MTMR12: variants seen among roughly 807,000 people sequenced by gnomAD.
The protein encoded by MTMR12 is myotubularin related protein 12, also known as myotubularin-related protein 12.
A neutral mutation model predicts 96.7 loss-of-function variants in MTMR12; 33 were observed. That is an observed-to-expected ratio of 0.34 (90% CI 0.26 to 0.46). MTMR12 has a LOEUF of 0.46. MTMR12 is among the 20% of genes least tolerant of loss of function. The probability of loss-of-function intolerance (pLI) is 1.00; values close to 1 mark genes in which losing one functional copy is unlikely to be tolerated. For missense variants in MTMR12, 721 were observed against 896.1 expected (o/e 0.80, Z 2.49); for synonymous variants, 298 against 327.2 (o/e 0.91, Z 0.96).
intron 6 of MTMR12, among the ~76,000 whole-genome samples, chr5:32,263,764 G>A (rs1358165693): frequency 6.6e-6 from 1 of 152,028 alleles, no homozygotes; most frequent in East Asian, 1.9e-4. Context: ...TGTAGGAACT[G>A]AGTTCCATTC....
rs199884253 is a variant in MTMR12 at position 32,276,495 on chromosome 5, ATGT to A, written c.142+184_142+186del. On this transcript the variant is annotated intron_variant, in intron 2 of 15. Transcript: ENST00000382142. ...AGGAAACAAGAAAAATTCTTTGCAG[ATGT>A]TGTAATACTCAGACCCAGGTGTGTA... 2.5e-4 allele frequency among the ~76,000 whole-genome samples: 38 copies of A among 152,334 alleles called. 1 individual carries two copies. In the East Asian group the frequency reaches 7.1e-3, roughly 29 times the overall value.
At chr5:32,303,242 T>C (rs1215350163) in intron 1 of MTMR12, among the ~76,000 whole-genome samples, 2 of 152,216 alleles carry the variant, frequency 1.3e-5, no homozygotes, top group Non-Finnish European at 2.9e-5. Flanking sequence ...ATTATTCCCA[T>C]TTTCGAGGTA....
intron 5 of MTMR12, among the ~76,000 whole-genome samples, chr5:32,269,325 C>G (rs1749738606): frequency 6.6e-6 from 1 of 151,680 alleles, no homozygotes; most frequent in African/African-American, 2.4e-5. Context: ...TCCTGCCCAG[C>G]CTATTATTAT....
chr5:32,289,549 A>G (rs1375886755), intron 1 of MTMR12, among the ~76,000 whole-genome samples: 1 of 152,210 alleles, frequency 6.6e-6, no homozygotes, highest in Admixed American at 6.5e-5. Flanking sequence ...ACTAATGGAC[A>G]CTGGTTCTGA....
intron 12 of MTMR12, among the ~76,000 whole-genome samples, chr5:32,239,663 G>C (rs1748388690): frequency 6.6e-6 from 1 of 152,166 alleles, no homozygotes; most frequent in Non-Finnish European, 1.5e-5. Context: ...ACTCACCTCA[G>C]ACATCCCTTC....
chr5:32,254,564 C>A (rs1389146335), intron 8 of MTMR12, among the ~76,000 whole-genome samples: 1 of 152,148 alleles, frequency 6.6e-6, no homozygotes, highest in African/African-American at 2.4e-5. Context: ...ACATAAAGAT[C>A]TGTATCTAGG....
intron 6 of MTMR12, among the ~76,000 whole-genome samples, chr5:32,266,207 T>C (rs1214484357): frequency 7.0e-6 from 1 of 143,122 alleles, no homozygotes. Context: ...TACGTTTTTG[T>C]TTTGTTTTGT....
chr5:32,238,303 C>T (rs1348441173), intron 13 of MTMR12, among the ~76,000 whole-genome samples: 1 of 152,158 alleles, frequency 6.6e-6, no homozygotes, highest in Non-Finnish European at 1.5e-5. Flanking sequence ...CTCCCAGGCT[C>T]AAGCAATCCT....
rs1487955803 is a variant in MTMR12 at position 32,233,953 on chromosome 5, G to T, written c.1513-19C>A. ...CTCTACCCTGCCAAAACAAGCACAG[G>T]TCATGCTGTTTTCCAGGGAGGGCTG... is the stretch of plus-strand genomic sequence containing the variant. On this transcript the variant is annotated intron_variant, in intron 14 of 15. Transcript: ENST00000382142. This position sits in a 1 kb window ranked among gnomAD's most constrained non-coding sequence, Gnocchi z 5.0. The T allele has an allele frequency of 6.2e-7, 1 of 1,613,710 alleles. No individual in the cohort carries two copies. Among genetic ancestry groups the T allele is most frequent in the Middle Eastern group, 1.7e-4 (1 of 6,058 alleles).
intron 12 of MTMR12, among the ~76,000 whole-genome samples, chr5:32,240,007 CA>C (rs1561744162): frequency 6.6e-6 from 1 of 152,224 alleles, no homozygotes; most frequent in Non-Finnish European, 1.5e-5. Context: ...TCTACATCCC[CA>C]TAGTTTCCCT....
chr5:32,255,909 G>C (rs1749115932), intron 7 of MTMR12, 141 bp from the exon 8 acceptor site: 1 of 656,624 alleles, frequency 1.5e-6, no homozygotes, highest in Admixed American at 3.2e-5. Flanking sequence ...CCAGCTCAGA[G>C]GAACTGCTGC....
Position 32,242,044 on chromosome 5 carries a change from TCCTATATATTA to T in MTMR12, c.1171+2_1171+12del. 6.3e-7 allele frequency: 1 copy of T among 1,597,054 alleles called. No homozygotes were observed. The highest frequency in any genetic ancestry group is 8.6e-7 in the Non-Finnish European group (1 of 1,165,972). The stretch of plus-strand genomic sequence containing the variant: ...GAAAATGGAAATCATCCTTTGTGCT[TCCTATATATTA>T]CCTAAAAGAAGAACATTCATGTTTT... On this transcript the variant is annotated splice_donor_variant and splice_donor_5th_base_variant and intron_variant, in intron 12 of 15. Coordinates refer to ENST00000382142, the MANE Select transcript of MTMR12 (RefSeq NM_001040446.3). LOFTEE classifies it high-confidence loss of function.
At chr5:32,289,082 G>A (rs1750650500) in intron 1 of MTMR12, among the ~76,000 whole-genome samples, 2 of 152,200 alleles carry the variant, frequency 1.3e-5, no homozygotes, top group South Asian at 4.1e-4. Flanking sequence ...CTAGGTGGCA[G>A]GGGCCAAGTG....
intron 4 of MTMR12, 68 bp from the exon 5 acceptor site, chr5:32,271,015 T>G: frequency 6.7e-7 from 1 of 1,494,602 alleles, no homozygotes; most frequent in African/African-American, 1.4e-5. Flanking sequence ...GCTAAAGAAA[T>G]GAAGTAGATG....
At chr5:32,286,353 T>C (rs1750538838) in intron 1 of MTMR12, among the ~76,000 whole-genome samples, 1 of 151,752 alleles carries the variant, frequency 6.6e-6, no homozygotes, top group African/African-American at 2.4e-5. Context: ...AAATAAATAA[T>C]AAAATGATGA....
chr5:32,260,854 T>C (rs1157649136), intron 7 of MTMR12, among the ~76,000 whole-genome samples: 1 of 151,794 alleles, frequency 6.6e-6, no homozygotes, highest in African/African-American at 2.4e-5. Flanking sequence ...CAAAGTTGTA[T>C]GAATCTGTTA....
chr5:32,265,928 G>C (rs2112068765), intron 6 of MTMR12, among the ~76,000 whole-genome samples: 1 of 152,268 alleles, frequency 6.6e-6, no homozygotes, highest in East Asian at 1.9e-4. Context: ...AAACAGCAAG[G>C]CCAGGATTTG....
chr5:32,262,975 T>G (rs559200995), intron 7 of MTMR12, 138 bp downstream of exon 7: 18 of 1,087,480 alleles, frequency 1.7e-5, no homozygotes, highest in Non-Finnish European at 2.3e-5. Flanking sequence ...CCAATGGGTA[T>G]GGAGTTTCTT....
chr5:32,307,161 G>A (rs943111324), intron 1 of MTMR12, among the ~76,000 whole-genome samples: 2 of 152,104 alleles, frequency 1.3e-5, no homozygotes, highest in Non-Finnish European at 2.9e-5. Flanking sequence ...AATACACTCC[G>A]AGTTGTTTAT....
Sources: gnomAD v4.1 joint callset for allele counts (sites outside exome capture counted in the v4.1 genomes callset) on GRCh38, gnomAD v4.1.1 for gene constraint, Gnocchi (gnomAD v3.1) non-coding constraint, MANE v1.5 for transcripts, NCBI Gene and HGNC (gene_info 2026-07-23, HGNC 2026-07-21) for gene names.